The following ZNF251 variants were observed in gnomAD, a reference collection of about 807,000 sequenced individuals.
The protein encoded by ZNF251 is zinc finger protein 251.
ZNF251 carries 14 observed loss-of-function variants against 13.5 expected under a neutral mutation model. The observed-to-expected ratio is 1.04, with a 90% CI of 0.69 to 1.63. The LOEUF is 1.63. Ranked by LOEUF, ZNF251 falls within the 40% of genes most tolerant of loss-of-function variation. The pLI, the probability that ZNF251 is intolerant of heterozygous loss-of-function variation, is 0.00. For synonymous variants in ZNF251, 287 were observed against 295.2 expected (o/e 0.97, Z 0.28); for missense variants, 764 against 834.9 (o/e 0.92, Z 1.05).
At chr8:144,754,103 C>G (rs1824835504) in intron 3 of ZNF251, 89 bp downstream of exon 3, 1 of 1,515,858 alleles carries the variant, frequency 6.6e-7, no homozygotes, top group South Asian at 1.3e-5. Context: ...GGGCAGGACC[C>G]TCTTCTTTGG....
chr8:144,729,335 ATTTT>A (rs142840972), intron 4 of ZNF251, among the ~76,000 whole-genome samples: 1 of 141,328 alleles, frequency 7.1e-6, no homozygotes. Context: ...ATTTATTTTT[ATTTT>A]TTTTTTTTTT....
At chr8:144,750,430 G>A (rs1275349176) in intron 4 of ZNF251, among the ~76,000 whole-genome samples, 1 of 152,176 alleles carries the variant, frequency 6.6e-6, no homozygotes, top group African/African-American at 2.4e-5. Flanking sequence ...AGAATATCCA[G>A]AAGTAGCTAG....
chr8:144,722,629 G>T lies in ZNF251; in HGVS notation c.1031C>A (p.Thr344Asn). The part of the protein sequence containing the change: ...PQLTQHQRIH[T>N]GEKPHECSHC... ...ACTGCATTCATGCGGCTTCTCTCCA[G>T]TGTGAATTCTCTGATGCTGAGTTAA... The change falls in exon 5 of 5, where the codon ACT (threonine) becomes AAT (asparagine). Residue 344 changes from threonine (T) to asparagine (N), a missense_variant. Physicochemically the swap from Thr to Asn is moderately conservative, Grantham distance 65. Transcript: ENST00000292562. This position sits in a 1 kb window ranked among gnomAD's most constrained non-coding sequence, Gnocchi z 4.8. 3 of 1,614,218 alleles carry T rather than the reference G, an allele frequency of 1.9e-6. No homozygotes were observed. Among genetic ancestry groups the T allele is most frequent in the Non-Finnish European group, 2.5e-6 (3 of 1,180,036 alleles).
At chr8:144,723,487 G>A in intron 4 of ZNF251, 105 bp from the exon 5 acceptor site, 1 of 760,464 alleles carries the variant, frequency 1.3e-6, no homozygotes, top group Non-Finnish European at 1.8e-6. Context: ...GAAGGCAGAT[G>A]CTCCAATAGG....
chr8:144,754,423 G>A (rs1027296167), intron 2 of ZNF251, 102 bp from the exon 3 acceptor site: 2 of 1,462,792 alleles, frequency 1.4e-6, no homozygotes, highest in African/African-American at 2.9e-5. Context: ...GGGCCCTGCT[G>A]TGGTCAGTAT....
chr8:144,755,260 T>C (rs1824906408), intron 1 of ZNF251, 145 bp downstream of exon 1: 1 of 640,312 alleles, frequency 1.6e-6, no homozygotes, highest in South Asian at 2.0e-5. Flanking sequence ...GGTCGCCTCC[T>C]CCCGGCCTCT....
chr8:144,753,274 G>GAAAAAAAAAA (rs11336657), intron 4 of ZNF251, among the ~76,000 whole-genome samples: 2 of 41,834 alleles, frequency 4.8e-5, no homozygotes, highest in African/African-American at 1.0e-4. Flanking sequence ...ATTCTGTCTC[G>GAAAAAAAAAA]AAAAAAAAAA....
chr8:144,722,019 A>G lies in ZNF251; in HGVS notation c.1641T>C (p.Phe547=). ...GCAGAATGAGATTTGCACCATGGTT[A>G]AAGGCTCTGCCGTGCTTCTCTCCAG... ...IPTGEKHGRA[F]NHGANLILRW... is the part of the protein sequence containing the mutation. The change falls in exon 5 of 5, where the codon TTT becomes TTC. Residue 547 remains phenylalanine (F), a synonymous_variant. Transcript: ENST00000292562. This position sits in a 1 kb window ranked among gnomAD's most constrained non-coding sequence, Gnocchi z 4.8. The G allele has an allele frequency of 1.2e-6, 2 of 1,604,916 alleles. No individual in the cohort carries two copies. The highest frequency in any genetic ancestry group is 1.7e-6 in the Non-Finnish European group (2 of 1,175,340).
At chr8:144,746,121 G>C (rs1824417032) in intron 4 of ZNF251, among the ~76,000 whole-genome samples, 2 of 152,292 alleles carry the variant, frequency 1.3e-5, no homozygotes, top group South Asian at 4.1e-4. Flanking sequence ...GGAAAATGTA[G>C]ATTTTCTGTA....
chr8:144,743,193 A>G (rs1366085506), intron 4 of ZNF251, among the ~76,000 whole-genome samples: 1 of 152,178 alleles, frequency 6.6e-6, no homozygotes, highest in East Asian at 1.9e-4. Context: ...CCTCCTGAGT[A>G]GCTGGGATTA....
chr8:144,730,094 T>C (rs1011206901), intron 4 of ZNF251: 3 of 985,456 alleles, frequency 3.0e-6, no homozygotes, highest in South Asian at 4.7e-5. Flanking sequence ...TCTCCCTTCG[T>C]ACATCACCAG....
chr8:144,732,737 G>C (rs557202184), intron 4 of ZNF251, among the ~76,000 whole-genome samples: 82 of 151,198 alleles, frequency 5.4e-4, no homozygotes, highest in African/African-American at 2.0e-3. Flanking sequence ...GCGTGAACCC[G>C]GGAGGCGGAG....
rs776908872 is a variant in ZNF251, at chr8:144,754,155, C to T, written c.163+37G>A. 6 of 1,595,934 alleles carry T rather than the reference C, an allele frequency of 3.8e-6. No homozygotes were observed. The Admixed American group carries it at 8.7e-5, about 23-fold the overall frequency. On this transcript the variant is annotated intron_variant, in intron 3 of 4. Coordinates refer to ENST00000292562, the MANE Select transcript of ZNF251 (RefSeq NM_138367.2). The stretch of plus-strand genomic sequence containing the variant: ...GCAGCCTCCCAAGCTCCTCAGAGGC[C>T]CCCACTGCGAACCAGGCCAAGTGCA...
At chr8:144,728,761 C>CCT (rs1823596276) in intron 4 of ZNF251, among the ~76,000 whole-genome samples, 1 of 151,582 alleles carries the variant, frequency 6.6e-6, no homozygotes, top group Admixed American at 6.6e-5. Context: ...GACAGACTTG[C>CCT]TCAACACAAG....
In ZNF251 at chr8:144,755,383, TCCTGGTCCGACACTGCCCCA is replaced by T. The variant is rs1227398377; in HGVS notation, c.-76+2_-76+21del. The T allele has an allele frequency of 1.6e-5, 21 of 1,287,976 alleles. No individual in the cohort carries two copies. In the East Asian group the frequency reaches 1.1e-3, roughly 68 times the overall value. 79.8% of individuals were successfully genotyped at this position (1,287,976 alleles called of 1,614,324 possible). A position where few individuals can be genotyped will look rare whatever the true frequency, so the allele number is the denominator to read the frequency against. The stretch of plus-strand genomic sequence containing the variant: ...GCCTGCCTGCCCGCTTGGCGCTCCT[TCCTGGTCCGACACTGCCCCA>T]CCTGTTTGCTCGACCCGGGGAAGCC... On this transcript the variant is annotated splice_donor_variant and splice_donor_5th_base_variant and intron_variant, in intron 1 of 4. Transcript: ENST00000292562. LOFTEE classifies it low-confidence loss of function (5UTR_SPLICE).
chr8:144,738,020 G>T (rs1175058433), intron 4 of ZNF251, among the ~76,000 whole-genome samples: 1 of 152,018 alleles, frequency 6.6e-6, no homozygotes, highest in Non-Finnish European at 1.5e-5. Context: ...CATTTATTTG[G>T]ATTCTTCATG....
intron 4 of ZNF251, among the ~76,000 whole-genome samples, chr8:144,727,546 C>T (rs925780629): frequency 6.6e-6 from 1 of 152,320 alleles, no homozygotes; most frequent in East Asian, 1.9e-4. Context: ...CTTTCCTTAA[C>T]CCTCATGAAC....
intron 4 of ZNF251, among the ~76,000 whole-genome samples, chr8:144,752,473 A>G (rs182265948): frequency 9.2e-5 from 14 of 152,370 alleles, no homozygotes; most frequent in Admixed American, 6.5e-4. Context: ...GAAAAACTAG[A>G]TAACATTTTG....
At chr8:144,754,971 C>G (rs968407239) in intron 1 of ZNF251, 168 bp from the exon 2 acceptor site, 1 of 1,397,934 alleles carries the variant, frequency 7.2e-7, no homozygotes, top group Non-Finnish European at 9.2e-7. Context: ...AATCCCAGAA[C>G]GGCCAGAGCC....
Sources: gnomAD v4.1 joint callset for allele counts (sites outside exome capture counted in the v4.1 genomes callset) on GRCh38, gnomAD v4.1.1 for gene constraint, Gnocchi (gnomAD v3.1) non-coding constraint, MANE v1.5 for transcripts, NCBI Gene and HGNC (gene_info 2026-07-23, HGNC 2026-07-21) for gene names.